The following UGT2B11 variants were observed in gnomAD, a reference collection of about 807,000 sequenced individuals.
UGT2B11 encodes UDP glucuronosyltransferase family 2 member B11.
In UGT2B11, 49 loss-of-function variants were observed where a neutral mutation model predicts 51.7. The observed-to-expected ratio is 0.95, with a 90% CI of 0.75 to 1.20. UGT2B11 has a LOEUF of 1.20. Among genes scored for constraint, UGT2B11 ranks in the 50% most tolerant of loss-of-function variants. The probability of loss-of-function intolerance (pLI) is 0.00; values close to 1 mark genes in which losing one functional copy is unlikely to be tolerated. For synonymous variants in UGT2B11, 273 were observed against 209.0 expected (o/e 1.31, Z -2.64); for missense variants, 810 against 622.1 (o/e 1.30, Z -3.21).
the UGT2B11 span, among the ~76,000 whole-genome samples, chr4:69,220,692 G>T: frequency 6.5e-3 from 990 of 151,452 alleles, 2 homozygotes; most frequent in Non-Finnish European, 0.011. Flanking sequence ...CATATTTCAG[G>T]GACCTAAGTG....
In UGT2B11 at chr4:69,200,033, G is replaced by A. The variant is rs577681229; in HGVS notation, c.*407C>T. 1 of 156,524 alleles carries A rather than the reference G, an allele frequency of 6.4e-6. No individual in the cohort carries two copies. Among genetic ancestry groups the A allele is most frequent in the Admixed American group, 6.4e-5 (1 of 15,686 alleles). The allele number at this position is 156,524 out of a possible 1,614,324, so 9.7% of individuals were successfully genotyped here. On this transcript the variant is annotated 3_prime_UTR_variant, in exon 6 of 6. Transcript: ENST00000446444. ...CAAAATGAAGCCAAATTATTCTGAG[G>A]ATGTGACTACTGATACTGTCAGTAG...
intron 5 of UGT2B11, among the ~76,000 whole-genome samples, chr4:69,203,023 A>C (rs1344742853): frequency 1.3e-5 from 2 of 151,680 alleles, no homozygotes; most frequent in Non-Finnish European, 3.0e-5. Context: ...ATTATTAAAA[A>C]TTTAACTTAA....
rs370357025 is a variant in UGT2B11 at position 69,208,447 on chromosome 4, A to G, written c.906T>C (p.Asn302=). 1 of 1,609,314 alleles carries G rather than the reference A, an allele frequency of 6.2e-7. No homozygotes were observed. Reference sequence around the variant, plus strand: ...ACCCCAGAGAAAACACCACAACACCATTTTCTCCAGAGCTCTGTACAAACT... The same window carrying G: ...ACCCCAGAGAAAACACCACAACACCGTTTTCTCCAGAGCTCTGTACAAACT... ...MEEFVQSSGE[N]GVVVFSLGSV... Residue 302 remains asparagine, a synonymous_variant, in exon 3 of 6, where the codon AAT becomes AAC. Transcript: ENST00000446444.
chr4:69,207,923 T>C (rs1721917944), intron 3 of UGT2B11, among the ~76,000 whole-genome samples: 1 of 151,642 alleles, frequency 6.6e-6, no homozygotes, highest in Non-Finnish European at 1.5e-5. Context: ...AAAGATGCAG[T>C]TCTGGATATA....
At position 69,205,427 on chromosome 4, in the gene UGT2B11, C is replaced by A. The variant is rs1259731323; in HGVS notation, c.1090+53G>T. On this transcript the variant is annotated intron_variant, in intron 4 of 5. Transcript: ENST00000446444. Reference sequence around the variant, plus strand: ...ATATTCAATAAGCATGTTTCATTAACCCTCTAATGTGCAGTTACTAATATA... The same window carrying A: ...ATATTCAATAAGCATGTTTCATTAAACCTCTAATGTGCAGTTACTAATATA... The A allele has an allele frequency of 4.4e-6, 7 of 1,575,430 alleles. No individual in the cohort carries two copies. The East Asian group carries it at 1.6e-4, about 36-fold the overall frequency.
chr4:69,222,185 T>G, the UGT2B11 span, among the ~76,000 whole-genome samples: 1 of 152,268 alleles, frequency 6.6e-6, no homozygotes, highest in Non-Finnish European at 1.5e-5. Flanking sequence ...TAATAATATC[T>G]CTAAATTTGT....
rs551700657 is a variant in UGT2B11, at chr4:69,212,221, AT to A, written c.870+351del. Among the ~76,000 whole-genome samples, 92 of 151,332 alleles carry A rather than the reference AT, an allele frequency of 6.1e-4. 3 individuals are homozygous for A. In the East Asian group the frequency reaches 0.016, roughly 26 times the overall value. On this transcript the variant is annotated intron_variant, in intron 2 of 5. Coordinates refer to ENST00000446444, the MANE Select transcript of UGT2B11 (RefSeq NM_001073.3). ...GTATGTGGGGACGGAAACTGTGTCT[AT>A]TTTTTTTCTCTGAAATTTCTGCACT...
At chr4:69,204,695 G>A in intron 4 of UGT2B11, 46 bp from the exon 5 acceptor site, 3 of 1,608,826 alleles carry the variant, frequency 1.9e-6, no homozygotes, top group Non-Finnish European at 2.5e-6. Context: ...GGAATAAAAT[G>A]AGATGCACAA....
intron 4 of UGT2B11, 81 bp from the exon 5 acceptor site, chr4:69,204,730 T>C (rs1414747938): frequency 6.5e-5 from 104 of 1,598,646 alleles, no homozygotes; most frequent in Non-Finnish European, 8.5e-5. Context: ...AGTGACAGTG[T>C]TTTCTAGATA....
At chr4:69,206,608 G>A (rs1324270193) in intron 3 of UGT2B11, among the ~76,000 whole-genome samples, 5 of 151,314 alleles carry the variant, frequency 3.3e-5, no homozygotes, top group Non-Finnish European at 1.5e-5. Flanking sequence ...ACCTGCACAT[G>A]TACTCCTGAA....
Position 69,205,503 on chromosome 4 carries a change from C to T in UGT2B11, c.1067G>A (p.Trp356Ter). 1.2e-6 allele frequency: 2 copies of T among 1,610,698 alleles called. No homozygotes were observed. Among genetic ancestry groups the T allele is most frequent in the Non-Finnish European group, 8.5e-7 (1 of 1,177,918 alleles). Residue 356 changes from tryptophan (W) to a stop codon, truncating the protein, a stop_gained, in exon 4 of 6, where the codon TGG becomes TAG. Coordinates refer to ENST00000446444, the MANE Select transcript of UGT2B11 (RefSeq NM_001073.3). LOFTEE classifies it high-confidence loss of function. ...ACCTAGAAGGTCATTCTGGGGTATCCACTTGTACAGCCGAGTATTGAGACC... is the reference window on the plus strand; with the variant it reads ...ACCTAGAAGGTCATTCTGGGGTATCTACTTGTACAGCCGAGTATTGAGACC... The part of the protein sequence containing the change: ...ALGLNTRLYK[W>*]IPQNDLLGHP...
At chr4:69,211,345 G>C (rs1722056026) in intron 2 of UGT2B11, among the ~76,000 whole-genome samples, 2 of 151,448 alleles carry the variant, frequency 1.3e-5, no homozygotes, top group Non-Finnish European at 3.0e-5. Flanking sequence ...ATTTCAACTA[G>C]CTCATCTTAC....
chr4:69,209,450 C>T (rs1249641097), intron 2 of UGT2B11, among the ~76,000 whole-genome samples: 2 of 151,640 alleles, frequency 1.3e-5, no homozygotes, highest in East Asian at 3.9e-4. Flanking sequence ...TGAAGATGTG[C>T]TTGGCTGCCA....
chr4:69,217,160 A>G (rs1188835692), upstream of UGT2B11, among the ~76,000 whole-genome samples: 1 of 151,884 alleles, frequency 6.6e-6, no homozygotes. Context: ...TATGTTTCTC[A>G]CTCTTAGAAA....
At chr4:69,221,918 G>C in the UGT2B11 span, among the ~76,000 whole-genome samples, 2 of 152,252 alleles carry the variant, frequency 1.3e-5, no homozygotes, top group African/African-American at 4.8e-5. Context: ...TCATCCTCTG[G>C]GGCAGTGCAC....
intron 3 of UGT2B11, among the ~76,000 whole-genome samples, chr4:69,207,934 T>C (rs1721918322): frequency 6.6e-6 from 1 of 151,646 alleles, no homozygotes; most frequent in Non-Finnish European, 1.5e-5. Context: ...TCTGGATATA[T>C]ATTTTTAGTT....
chr4:69,220,181 A>C, the UGT2B11 span, among the ~76,000 whole-genome samples: 3 of 152,184 alleles, frequency 2.0e-5, no homozygotes, highest in Non-Finnish European at 2.9e-5. Context: ...AGTCATTGCC[A>C]AAATGATCTT....
chr4:69,204,018 CTG>C (rs1721755476), intron 5 of UGT2B11, among the ~76,000 whole-genome samples: 1 of 151,296 alleles, frequency 6.6e-6, no homozygotes, highest in Non-Finnish European at 1.5e-5. Context: ...ATTTTCAAGT[CTG>C]TTAAAATAAT....
chr4:69,209,833 G>C (rs906052708), intron 2 of UGT2B11, among the ~76,000 whole-genome samples: 1 of 151,472 alleles, frequency 6.6e-6, no homozygotes, highest in Non-Finnish European at 1.5e-5. Flanking sequence ...TCTCTGTTTA[G>C]AGATTCATCA....
Sources: allele counts gnomAD v4.1 joint callset (sites outside exome capture counted in the v4.1 genomes callset), GRCh38; gene constraint gnomAD v4.1.1; transcripts MANE v1.5; gene names NCBI Gene and HGNC (gene_info 2026-07-23, HGNC 2026-07-21).